CSMD1: variants seen among roughly 807,000 people sequenced by gnomAD.
CSMD1 encodes CUB and sushi domain-containing protein 1.
Under a neutral mutation model 417.5 loss-of-function variants are expected in CSMD1, and 213 were observed. The observed-to-expected ratio is 0.51, with a 90% CI of 0.46 to 0.57. The LOEUF is 0.57. CSMD1 is among the 20% of genes least tolerant of loss of function. The pLI is 0.00. For missense variants in CSMD1, 6,923 were observed against 4,529.7 expected, an observed-to-expected ratio of 1.53 and a Z score of -15.17; for synonymous variants, 2,862 against 1,736.8, an observed-to-expected ratio of 1.65 and a Z score of -16.11.
intron 3 of CSMD1, among the ~76,000 whole-genome samples, chr8:4,361,735 C>A (rs1801777528): frequency 6.6e-6 from 1 of 152,242 alleles, no homozygotes; most frequent in African/African-American, 2.4e-5. Flanking sequence ...GTGGGCGGAT[C>A]ACGAGGTCAG....
chr8:3,258,974 G>A (rs1022581013), intron 26 of CSMD1, among the ~76,000 whole-genome samples: 1 of 152,190 alleles, frequency 6.6e-6, no homozygotes, highest in Non-Finnish European at 1.5e-5. Flanking sequence ...AGAGGATCAG[G>A]AAAAATAACT....
At chr8:3,732,047 A>AG (rs917226505) in intron 6 of CSMD1, among the ~76,000 whole-genome samples, 2 of 151,872 alleles carry the variant, frequency 1.3e-5, no homozygotes, top group African/African-American at 2.4e-5. Flanking sequence ...TTTAGACAAA[A>AG]AAAATGCTCC....
In CSMD1 at chr8:3,049,281, AC is replaced by A. The variant is rs147608844; in HGVS notation, c.7660+3180del. On this transcript the variant is annotated intron_variant, in intron 50 of 69. Transcript: ENST00000635120. Reference sequence around the variant, plus strand: ...TTATGTCTGTATAAAAACCTTGCACACAGATGTTTATAGCAGCTTTATTCAC... The same window carrying A: ...TTATGTCTGTATAAAAACCTTGCACAAGATGTTTATAGCAGCTTTATTCAC... Among the ~76,000 whole-genome samples, 568 of 152,294 alleles carry A rather than the reference AC, an allele frequency of 3.7e-3. 4 individuals carry two copies. The highest frequency in any genetic ancestry group is 0.013 in the African/African-American group (542 of 41,584).
chr8:3,490,331 G>C (rs898954693), intron 11 of CSMD1, among the ~76,000 whole-genome samples: 4 of 152,144 alleles, frequency 2.6e-5, no homozygotes, highest in African/African-American at 9.7e-5. Context: ...GTAATACATA[G>C]TTTGCAATTG....
intron 69 of CSMD1, among the ~76,000 whole-genome samples, chr8:2,939,308 C>T (rs1373813366): frequency 6.6e-6 from 1 of 152,178 alleles, no homozygotes; most frequent in South Asian, 2.1e-4. Flanking sequence ...CACTAAATTT[C>T]AAGTTTAAGC....
At chr8:4,780,424 T>C (rs1363177170) in intron 1 of CSMD1, among the ~76,000 whole-genome samples, 1 of 152,156 alleles carries the variant, frequency 6.6e-6, no homozygotes, top group Non-Finnish European at 1.5e-5. Flanking sequence ...GATCTGTCTG[T>C]CTGTCTGTCT....
In CSMD1 at chr8:3,376,851, T is replaced by C. The variant is rs1290858455; in HGVS notation, c.2783-7481A>G. Among the ~76,000 whole-genome samples, 7 of 152,322 alleles carry C rather than the reference T, an allele frequency of 4.6e-5. No homozygotes were observed. The East Asian group carries it at 1.3e-3, about 29-fold the overall frequency. On this transcript the variant is annotated intron_variant, in intron 18 of 69. Coordinates refer to ENST00000635120, the MANE Select transcript of CSMD1 (RefSeq NM_033225.6). ...TAAAGGTTTAAATATCCTACTTATG[T>C]AACTTTTGTTGCACGAAAAACCCAT...
At chr8:4,451,469 C>G (rs1437970025) in intron 2 of CSMD1, among the ~76,000 whole-genome samples, 2 of 152,192 alleles carry the variant, frequency 1.3e-5, no homozygotes, top group Non-Finnish European at 2.9e-5. Context: ...AAGTCCCACT[C>G]TCCTAAAGCT....
chr8:3,287,398 G>C (rs1237085220), intron 25 of CSMD1, among the ~76,000 whole-genome samples: 4 of 152,038 alleles, frequency 2.6e-5, no homozygotes, highest in Non-Finnish European at 5.9e-5. Context: ...TGGGCAGTAT[G>C]GCCATTTTCA....
At chr8:4,930,136 G>C (rs145775818) in intron 1 of CSMD1, among the ~76,000 whole-genome samples, 34 of 152,254 alleles carry the variant, frequency 2.2e-4, no homozygotes, top group African/African-American at 7.9e-4. Flanking sequence ...CAATTGCGTT[G>C]ATTGGTTTAG....
intron 7 of CSMD1, among the ~76,000 whole-genome samples, chr8:3,653,668 T>G (rs60701420): frequency 0.023 from 3,488 of 152,194 alleles, 142 homozygotes; most frequent in African/African-American, 0.079. Context: ...AGGGCCAGCT[T>G]TTTACAGCCC....
At chr8:4,043,956 G>A (rs890767739) in intron 3 of CSMD1, among the ~76,000 whole-genome samples, 3 of 152,056 alleles carry the variant, frequency 2.0e-5, no homozygotes, top group South Asian at 2.1e-4. Context: ...TCCCAATTGT[G>A]TTGATATAAT....
chr8:3,367,375 T>C, intron 19 of CSMD1, 128 bp from the exon 20 acceptor site: 1 of 634,838 alleles, frequency 1.6e-6, no homozygotes, highest in South Asian at 1.9e-5. Flanking sequence ...GAAGAGAAAA[T>C]AAGAGGGGAA....
At chr8:3,918,043 G>A (rs757409039) in intron 5 of CSMD1, among the ~76,000 whole-genome samples, 4 of 151,926 alleles carry the variant, frequency 2.6e-5, no homozygotes, top group Non-Finnish European at 5.9e-5. Flanking sequence ...CTTTTTTAAG[G>A]GGTGAGTAAT....
intron 23 of CSMD1, among the ~76,000 whole-genome samples, chr8:3,339,470 G>A (rs546661154): frequency 6.6e-6 from 1 of 152,230 alleles, no homozygotes; most frequent in Admixed American, 6.5e-5. Flanking sequence ...CAGAATTCTG[G>A]TTCCATCGGT....
intron 7 of CSMD1, among the ~76,000 whole-genome samples, chr8:3,684,438 T>G (rs1270190331): frequency 6.7e-6 from 1 of 150,364 alleles, no homozygotes; most frequent in South Asian, 2.1e-4. Flanking sequence ...GCATGACTCA[T>G]AGTACTTAAC....
At chr8:4,048,521 T>C (rs1175859106) in intron 3 of CSMD1, among the ~76,000 whole-genome samples, 6 of 152,186 alleles carry the variant, frequency 3.9e-5, no homozygotes, top group African/African-American at 1.4e-4. Flanking sequence ...TTAAGGAACA[T>C]CCCTCAGGTT....
chr8:4,343,048 C>T, intron 3 of CSMD1, among the ~76,000 whole-genome samples: 1 of 152,068 alleles, frequency 6.6e-6, no homozygotes. Context: ...TTCAACATTT[C>T]AACATTTTAA....
At chr8:3,510,620 G>T (rs1394233297) in intron 10 of CSMD1, among the ~76,000 whole-genome samples, 1 of 151,748 alleles carries the variant, frequency 6.6e-6, no homozygotes, top group Non-Finnish European at 1.5e-5. Context: ...CTCTCTTGCA[G>T]AAGAATAACA....
Sources: gnomAD v4.1 joint callset for allele counts (sites outside exome capture counted in the v4.1 genomes callset) on GRCh38, gnomAD v4.1.1 for gene constraint, MANE v1.5 for transcripts, NCBI Gene and HGNC (gene_info 2026-07-23, HGNC 2026-07-21) for gene names.